Variants in METTL9 observed in about 807,000 individuals in gnomAD.
METTL9 encodes protein-L-histidine N-pros-methyltransferase.
METTL9 carries 10 observed loss-of-function variants against 36.0 expected under a neutral mutation model. The observed-to-expected ratio is 0.28, with a 90% CI of 0.17 to 0.47. METTL9 has a LOEUF of 0.47. Ranked by LOEUF, METTL9 falls within the 20% of genes least tolerant of loss-of-function variation. The pLI is 0.99. For missense variants in METTL9, 246 were observed against 383.5 expected, an observed-to-expected ratio of 0.64 and a Z score of 3.00; for synonymous variants, 175 against 149.7, an observed-to-expected ratio of 1.17 and a Z score of -1.23.
chr16:21,646,173 G>T (rs979394904), intron 4 of METTL9, among the ~76,000 whole-genome samples: 1 of 151,340 alleles, frequency 6.6e-6, no homozygotes, highest in East Asian at 1.9e-4. Flanking sequence ...TTTTTCTCGG[G>T]AATGTCTTAA....
intron 1 of METTL9, among the ~76,000 whole-genome samples, chr16:21,608,462 C>T (rs1201663441): frequency 2.0e-5 from 3 of 152,130 alleles, no homozygotes; most frequent in Non-Finnish European, 1.5e-5. Flanking sequence ...CTGAGGCCAG[C>T]GAGTCCATCT....
chr16:21,613,804 C>G (rs1965490884), intron 2 of METTL9, among the ~76,000 whole-genome samples: 1 of 150,058 alleles, frequency 6.7e-6, no homozygotes, highest in South Asian at 2.1e-4. Context: ...TCATATAAAT[C>G]CATAGAAAAA....
At chr16:21,616,480 A>G (rs1965557245) in intron 2 of METTL9, among the ~76,000 whole-genome samples, 1 of 152,162 alleles carries the variant, frequency 6.6e-6, no homozygotes, top group African/African-American at 2.4e-5. Flanking sequence ...AGTCCTAAAT[A>G]GGGATTGCGC....
upstream of METTL9, among the ~76,000 whole-genome samples, chr16:21,598,352 CAAAAAAAA>C (rs1161878357): frequency 1.7e-5 from 1 of 59,154 alleles, no homozygotes; most frequent in African/African-American, 6.2e-5. Context: ...CACTCCGTTT[CAAAAAAAA>C]AAAAAAAAAA....
At chr16:21,603,522 A>G (rs910372620) in intron 1 of METTL9, among the ~76,000 whole-genome samples, 2 of 152,248 alleles carry the variant, frequency 1.3e-5, no homozygotes, top group African/African-American at 4.8e-5. Flanking sequence ...GTGAGAAACT[A>G]GTAGATATTG....
At chr16:21,650,448 C>T (rs1318934913) in intron 4 of METTL9, among the ~76,000 whole-genome samples, 1 of 143,748 alleles carries the variant, frequency 7.0e-6, no homozygotes, top group African/African-American at 2.6e-5. Flanking sequence ...GTGGAGGTTG[C>T]AGTGAGCTGA....
intron 4 of METTL9, among the ~76,000 whole-genome samples, chr16:21,641,850 C>CT (rs1966280605): frequency 6.6e-6 from 1 of 152,078 alleles, no homozygotes; most frequent in Non-Finnish European, 1.5e-5. Flanking sequence ...ACTTCTAAGA[C>CT]TGCTTTCAGG....
At chr16:21,614,570 C>T (rs1045676797) in intron 2 of METTL9, among the ~76,000 whole-genome samples, 2 of 152,186 alleles carry the variant, frequency 1.3e-5, no homozygotes, top group African/African-American at 4.8e-5. Context: ...GTGTCCCATT[C>T]TCAGCTAAAA....
chr16:21,641,635 T>A (rs1054963815), intron 4 of METTL9: 2 of 1,344,132 alleles, frequency 1.5e-6, no homozygotes, highest in Non-Finnish European at 2.1e-6. Flanking sequence ...TAAGGTTATG[T>A]AACCAATGAA....
intron 1 of METTL9, among the ~76,000 whole-genome samples, chr16:21,608,443 G>A (rs773816182): frequency 2.0e-5 from 3 of 152,158 alleles, no homozygotes; most frequent in African/African-American, 4.8e-5. Context: ...ACTCTGGAAT[G>A]TAAGTTCTCT....
intron 4 of METTL9, chr16:21,644,256 A>C (rs372496505): frequency 1.5e-6 from 2 of 1,373,044 alleles, no homozygotes; most frequent in African/African-American, 2.8e-5. Flanking sequence ...ATTCAAGGAT[A>C]TAGGGACATT....
At chr16:21,640,784 A>T (rs1307908260) in intron 4 of METTL9, 1 of 147,580 alleles carries the variant, frequency 6.8e-6, no homozygotes, top group Non-Finnish European at 1.5e-5. Flanking sequence ...AAAAAAAAAG[A>T]AAAGAAAAAA....
Position 21,645,377 on chromosome 16 carries a change from C to T in METTL9, c.752-9850C>T, listed in dbSNP as rs532477098. 5.3e-5 allele frequency among the ~76,000 whole-genome samples: 8 copies of T among 152,174 alleles called. No individual in the cohort carries two copies. In the South Asian group the frequency reaches 1.7e-3, roughly 32 times the overall value. On this transcript the variant is annotated intron_variant, in intron 4 of 4. Coordinates refer to ENST00000358154, the MANE Select transcript of METTL9 (RefSeq NM_016025.5). ...TTGAGGCAGGAGAATCGCTTGAACC[C>T]GGAAGGTGGAGGTTGGTTGCAGTGA...
At position 21,599,762 on chromosome 16, in the gene METTL9, T is replaced by A. The variant is rs756146100; in HGVS notation, c.29T>A (p.Leu10Gln). 1 of 1,537,038 alleles carries A rather than the reference T, an allele frequency of 6.5e-7. No individual in the cohort carries two copies. Among genetic ancestry groups the A allele is most frequent in the Non-Finnish European group, 8.7e-7 (1 of 1,149,506 alleles). ...AGACTGCTGGCGGGCTGGCTGTGCC[T>A]GAGCCTGGCGTCCGTGTGGCTGGCG... is the stretch of plus-strand genomic sequence containing the variant. MRLLAGWLC[L>Q]SLASVWLARR... Residue 10 changes from leucine (L) to glutamine (Q), a missense_variant, in exon 1 of 5, where the codon CTG (leucine) becomes CAG (glutamine). Transcript: ENST00000358154. This position sits in a 1 kb window ranked among gnomAD's most constrained non-coding sequence, Gnocchi z 4.4.
intron 1 of METTL9, among the ~76,000 whole-genome samples, chr16:21,607,729 C>T (rs1567325999): frequency 6.6e-6 from 1 of 152,202 alleles, no homozygotes; most frequent in Non-Finnish European, 1.5e-5. Context: ...AGGCTCCAGC[C>T]AAGGAGTCCA....
chr16:21,616,492 T>G (rs1190619612), intron 2 of METTL9, among the ~76,000 whole-genome samples: 1 of 152,180 alleles, frequency 6.6e-6, no homozygotes, highest in Non-Finnish European at 1.5e-5. Context: ...GGATTGCGCT[T>G]TATTTCCCAG....
upstream of METTL9, chr16:21,599,373 G>A (rs974208464): frequency 1.5e-5 from 16 of 1,045,306 alleles, no homozygotes; most frequent in Non-Finnish European, 1.8e-5. This position sits in a 1 kb window ranked among gnomAD's most constrained non-coding sequence, Gnocchi z 4.4. Context: ...AGGCAGGGCC[G>A]GGACACGAGA....
chr16:21,642,606 A>C (rs1203557316), intron 4 of METTL9, among the ~76,000 whole-genome samples: 2 of 152,184 alleles, frequency 1.3e-5, no homozygotes, highest in Non-Finnish European at 2.9e-5. Context: ...GTTCAACTCC[A>C]GACACTGGAG....
chr16:21,648,010 G>A (rs557971538), intron 4 of METTL9, among the ~76,000 whole-genome samples: 1 of 152,262 alleles, frequency 6.6e-6, no homozygotes, highest in South Asian at 2.1e-4. Flanking sequence ...AGGAATTCAT[G>A]GCCATTCACA....
Sources: allele counts gnomAD v4.1 joint callset (sites outside exome capture counted in the v4.1 genomes callset), GRCh38; gene constraint gnomAD v4.1.1; non-coding constraint Gnocchi (gnomAD v3.1); transcripts MANE v1.5; gene names NCBI Gene and HGNC (gene_info 2026-07-23, HGNC 2026-07-21).